GK: variants seen among roughly 807,000 people sequenced by gnomAD.
The protein encoded by GK is glycerol kinase.
In GK, 9 loss-of-function variants were observed where a neutral mutation model predicts 56.4. The ratio of observed to expected loss-of-function variants is 0.16; its 90% confidence interval spans 0.10 to 0.28. The LOEUF (loss-of-function observed/expected upper bound fraction) is 0.28. Among genes scored for constraint, GK ranks in the 10% least tolerant of loss-of-function variants. The probability of loss-of-function intolerance (pLI) is 1.00; values close to 1 mark genes in which losing one functional copy is unlikely to be tolerated. For missense variants in GK, 161 were observed against 431.4 expected, an observed-to-expected ratio of 0.37 and a Z score of 5.55; for synonymous variants, 104 against 144.1, an observed-to-expected ratio of 0.72 and a Z score of 1.99.
chrX:30,659,771 C>T (rs375523947), intron 1 of GK, among the ~76,000 whole-genome samples: 2 of 112,173 alleles, frequency 1.8e-5, no homozygotes, highest in South Asian at 7.3e-4. Flanking sequence ...GTTTTTGAGA[C>T]GGAGTCTTGC....
chrX:30,707,542 C>A lies in GK; in HGVS notation c.852-14C>A, dbSNP rs1387946176. ...ATAAAATTGTCTTACTATTCATTCT[C>A]CCTTCAACCATAGGTATGGAACAGG... On this transcript the variant is annotated splice_polypyrimidine_tract_variant and intron_variant, in intron 11 of 20. Transcript: ENST00000427190. 1 of 1,041,502 alleles carries A rather than the reference C, an allele frequency of 9.6e-7. No individual in the cohort carries two copies. The highest frequency in any genetic ancestry group is 1.3e-6 in the Non-Finnish European group (1 of 742,939). The allele number at this position is 1,041,502 out of a possible 1,213,427, so 85.8% of individuals were successfully genotyped here. A position where few individuals can be genotyped will look rare whatever the true frequency, so the allele number is the denominator to read the frequency against.
At chrX:30,700,927 A>G (rs769664608) in intron 11 of GK, 22 bp downstream of exon 11, 2 of 1,037,738 alleles carry the variant, frequency 1.9e-6, no homozygotes, top group Non-Finnish European at 2.7e-6. Context: ...AAACAGACTT[A>G]AAAACCAATG....
chrX:30,664,270 C>T (rs1242908689), intron 1 of GK, among the ~76,000 whole-genome samples: 2 of 101,631 alleles, frequency 2.0e-5, no homozygotes, highest in South Asian at 4.2e-4. Flanking sequence ...CTCGGCTCAC[C>T]GCAACCTCCG....
intron 4 of GK, among the ~76,000 whole-genome samples, chrX:30,687,210 A>G (rs1398381168): frequency 9.0e-6 from 1 of 111,546 alleles, no homozygotes; most frequent in Non-Finnish European, 1.9e-5. Context: ...TTGAATGAGT[A>G]GTCAGTTACC....
chrX:30,724,519 T>G (rs923028966), intron 19 of GK: 4 of 250,384 alleles, frequency 1.6e-5, no homozygotes, highest in African/African-American at 1.2e-4. Context: ...TCCCCTCTCC[T>G]CTTACTTTAC....
chrX:30,687,500 C>T (rs1934686575), intron 4 of GK: 1 of 341,908 alleles, frequency 2.9e-6, no homozygotes, highest in Non-Finnish European at 5.9e-6. Context: ...CCATCTCTAG[C>T]GTGAATTGCC....
At chrX:30,688,503 A>G (rs1376590886) in intron 4 of GK, among the ~76,000 whole-genome samples, 1 of 97,894 alleles carries the variant, frequency 1.0e-5, no homozygotes, top group Non-Finnish European at 2.0e-5. Flanking sequence ...CTCTGTCTCA[A>G]AAAAAAAAAA....
intron 2 of GK, among the ~76,000 whole-genome samples, chrX:30,665,937 CTT>C (rs1008286529): frequency 8.9e-6 from 1 of 111,884 alleles, no homozygotes; most frequent in Non-Finnish European, 1.9e-5. Flanking sequence ...ATAAAGGTAT[CTT>C]TTTAAAAAAG....
intron 4 of GK, among the ~76,000 whole-genome samples, chrX:30,684,666 C>CAAAAAAAA (rs60771873): frequency 5.9e-4 from 19 of 32,399 alleles, no homozygotes; most frequent in Non-Finnish European, 8.5e-4. Flanking sequence ...AACTCCATCT[C>CAAAAAAAA]AAAAAAAAAA....
At chrX:30,666,064 T>G (rs1933058280) in intron 2 of GK, among the ~76,000 whole-genome samples, 1 of 112,268 alleles carries the variant, frequency 8.9e-6, no homozygotes, top group Non-Finnish European at 1.9e-5. Context: ...TAATGATTTT[T>G]ATGATATAAC....
chrX:30,657,000 G>A (rs373692913), intron 1 of GK, among the ~76,000 whole-genome samples: 2 of 111,560 alleles, frequency 1.8e-5, no homozygotes, highest in African/African-American at 6.5e-5. Flanking sequence ...ACAGGCATGC[G>A]CCACCACGCC....
chrX:30,714,760 C>T (rs1198317033), intron 13 of GK, among the ~76,000 whole-genome samples: 1 of 111,930 alleles, frequency 8.9e-6, no homozygotes, highest in Non-Finnish European at 1.9e-5. Context: ...ATCATGGGAG[C>T]CACCTTAATT....
At chrX:30,701,563 T>C (rs1935665845) in intron 11 of GK, among the ~76,000 whole-genome samples, 2 of 112,085 alleles carry the variant, frequency 1.8e-5, no homozygotes, top group African/African-American at 6.5e-5. Context: ...CTGTAATATA[T>C]AGTTTTTGGC....
chrX:30,661,055 G>A (rs936563093), intron 1 of GK, among the ~76,000 whole-genome samples: 6 of 109,680 alleles, frequency 5.5e-5, no homozygotes, highest in South Asian at 3.8e-4. Flanking sequence ...CTCGTGATCC[G>A]CCCACCTCGG....
intron 5 of GK, among the ~76,000 whole-genome samples, chrX:30,693,079 T>C (rs1403607375): frequency 5.1e-5 from 5 of 97,088 alleles, no homozygotes; most frequent in Non-Finnish European, 1.0e-4. Context: ...TGCAGTGGCG[T>C]CATCTTGGCT....
At chrX:30,718,796 G>T (rs1232924289) in intron 14 of GK, among the ~76,000 whole-genome samples, 180 bp downstream of exon 14, 1 of 111,766 alleles carries the variant, frequency 8.9e-6, no homozygotes, top group East Asian at 2.8e-4. Context: ...ACAAGGAATT[G>T]ACATAATTAG....
chrX:30,662,079 C>T (rs928609271), intron 1 of GK, among the ~76,000 whole-genome samples: 2 of 111,883 alleles, frequency 1.8e-5, no homozygotes, highest in Admixed American at 1.9e-4. Flanking sequence ...ATGTCCAGTA[C>T]AATAGCCACT....
chrX:30,702,103 C>T (rs965671296), intron 11 of GK, among the ~76,000 whole-genome samples: 1 of 108,781 alleles, frequency 9.2e-6, no homozygotes, highest in Admixed American at 9.8e-5. Context: ...AGTGCAATGG[C>T]GCGATCTCGG....
At chrX:30,726,611 A>T (rs765065937) in intron 19 of GK, among the ~76,000 whole-genome samples, 1 of 111,983 alleles carries the variant, frequency 8.9e-6, no homozygotes, top group African/African-American at 3.2e-5. Context: ...GAATAGATTT[A>T]TGAAAAACAC....
Sources: gnomAD v4.1 joint callset for allele counts (sites outside exome capture counted in the v4.1 genomes callset) on GRCh38, gnomAD v4.1.1 for gene constraint, MANE v1.5 for transcripts, NCBI Gene and HGNC (gene_info 2026-07-23, HGNC 2026-07-21) for gene names.